Variants in ADGRL4 observed in about 807,000 individuals in gnomAD.
ADGRL4 encodes EGF, latrophilin and seven transmembrane domain containing 1.
Under a neutral mutation model 74.8 loss-of-function variants are expected in ADGRL4, and 90 were observed. The ratio of observed to expected loss-of-function variants is 1.20; its 90% CI spans 1.02 to 1.43. ADGRL4 has a LOEUF of 1.43. Ranked by LOEUF, ADGRL4 falls within the 40% of genes most tolerant of loss-of-function variation. The pLI, the probability that ADGRL4 is intolerant of heterozygous loss-of-function variation, is 0.00. For synonymous variants in ADGRL4, 311 were observed against 279.2 expected, an observed-to-expected ratio of 1.11 and a Z score of -1.14; for missense variants, 881 against 814.3, an observed-to-expected ratio of 1.08 and a Z score of -1.00.
In ADGRL4 at chr1:79,006,640, C is replaced by A. The variant is rs779693719; in HGVS notation, c.15G>T (p.Pro5=). ...GGGGCGCTGAGCACTCACCTAGGAG[C>A]GGGAGGCGTTTCATTGGCGGTGGCC... MKRL[P]LLVVFSTLLN... Residue 5 remains proline (P), a synonymous_variant, in exon 1 of 15, where the codon CCG becomes CCT. Transcript: ENST00000370742. 12 of 1,519,542 alleles carry A rather than the reference C, an allele frequency of 7.9e-6. No individual in the cohort carries two copies. In the East Asian group the frequency reaches 2.7e-4, roughly 34 times the overall value. The allele number at this position is 1,519,542 out of a possible 1,614,324, so 94.1% of individuals were successfully genotyped here.
intron 2 of ADGRL4, among the ~76,000 whole-genome samples, chr1:78,954,794 GAAAC>G (rs906112904): frequency 3.3e-5 from 5 of 152,060 alleles, no homozygotes; most frequent in African/African-American, 9.7e-5. Flanking sequence ...AAGCTATAGA[GAAAC>G]AAATTACATG....
intron 2 of ADGRL4, among the ~76,000 whole-genome samples, chr1:78,984,160 A>G (rs1650449538): frequency 6.6e-6 from 1 of 151,730 alleles, no homozygotes; most frequent in Non-Finnish European, 1.5e-5. Context: ...TTCTGGTACA[A>G]AGTAAGATGG....
intron 12 of ADGRL4, among the ~76,000 whole-genome samples, chr1:78,917,413 T>G (rs1347442617): frequency 6.6e-6 from 1 of 150,676 alleles, no homozygotes; most frequent in Non-Finnish European, 1.5e-5. Flanking sequence ...TATTATATTT[T>G]ATATTTAAAA....
In ADGRL4 at chr1:78,946,336, G is replaced by A; in HGVS notation, c.263C>T (p.Pro88Leu). The A allele has an allele frequency of 6.2e-7, 1 of 1,613,332 alleles. No homozygotes were observed. Among genetic ancestry groups the A allele is most frequent in the Non-Finnish European group, 8.5e-7 (1 of 1,179,580 alleles). ...TTGGTTACTGCTGGATCTGAAGCCA[G>A]GTACACACATACAATAATAACTTCC... is the stretch of plus-strand genomic sequence containing the variant. ...TEGSYYCMCV[P>L]GFRSSSNQDR... Residue 88 changes from proline (P) to leucine (L), a missense_variant, in exon 3 of 15, where the codon CCT becomes CTT. Coordinates refer to ENST00000370742, the MANE Select transcript of ADGRL4 (RefSeq NM_022159.4).
At chr1:78,968,144 A>C (rs1039400959) in intron 2 of ADGRL4, among the ~76,000 whole-genome samples, 4 of 152,280 alleles carry the variant, frequency 2.6e-5, no homozygotes, top group Admixed American at 2.0e-4. Flanking sequence ...CTAATGTCTG[A>C]TTACATGCAT....
At chr1:78,901,706 G>A (rs989397059) in intron 12 of ADGRL4, among the ~76,000 whole-genome samples, 1 of 152,120 alleles carries the variant, frequency 6.6e-6, no homozygotes, top group Non-Finnish European at 1.5e-5. Context: ...ACAGTGTTTG[G>A]TCACCTATTG....
chr1:78,962,876 G>A (rs1649982969), intron 2 of ADGRL4, among the ~76,000 whole-genome samples: 1 of 152,030 alleles, frequency 6.6e-6, no homozygotes, highest in African/African-American at 2.4e-5. Flanking sequence ...AACGGATTAG[G>A]ATAAAATAGG....
chr1:78,972,563 G>T (rs1293342299), intron 2 of ADGRL4, among the ~76,000 whole-genome samples: 1 of 152,056 alleles, frequency 6.6e-6, no homozygotes, highest in Non-Finnish European at 1.5e-5. Context: ...CTAGAACACT[G>T]ATATGCATTT....
chr1:78,999,788 A>ATATC (rs67005634), intron 2 of ADGRL4, among the ~76,000 whole-genome samples: 16,065 of 141,628 alleles, frequency 0.11, 937 homozygotes, highest in African/African-American at 0.13. Context: ...ATCTATAGTT[A>ATATC]TATCTATCTA....
rs747808837 is a variant in ADGRL4, at chr1:78,920,771, T to C, written c.1258-385A>G. On this transcript the variant is annotated intron_variant, in intron 9 of 14. Transcript: ENST00000370742. Reference sequence around the variant, plus strand: ...GTGGTAAGACTAAGTCTTATGTCTATGCAGTGATTCATCTAAAACATGTGA... The same window carrying C: ...GTGGTAAGACTAAGTCTTATGTCTACGCAGTGATTCATCTAAAACATGTGA... Among the ~76,000 whole-genome samples the C allele has an allele frequency of 8.4e-4, 128 of 152,026 alleles. 1 individual carries two copies. The highest frequency in any genetic ancestry group is 2.8e-3 in the African/African-American group (118 of 41,546).
intron 2 of ADGRL4, among the ~76,000 whole-genome samples, chr1:78,983,827 T>A (rs968689346): frequency 6.6e-6 from 1 of 151,824 alleles, no homozygotes; most frequent in Non-Finnish European, 1.5e-5. Context: ...GTAGATTGCC[T>A]ACGAAGAAAA....
intron 9 of ADGRL4, among the ~76,000 whole-genome samples, 196 bp downstream of exon 9, chr1:78,921,417 T>G (rs1351434048): frequency 6.8e-6 from 1 of 147,234 alleles, no homozygotes; most frequent in African/African-American, 2.5e-5. Flanking sequence ...TAATCTTAAA[T>G]GCATACTAGA....
intron 12 of ADGRL4, among the ~76,000 whole-genome samples, chr1:78,916,932 A>AT (rs1648884383): frequency 6.6e-6 from 1 of 151,838 alleles, no homozygotes; most frequent in South Asian, 2.1e-4. Flanking sequence ...ACATACAAAA[A>AT]TGTCTTTATT....
intron 9 of ADGRL4, among the ~76,000 whole-genome samples, chr1:78,921,185 A>G (rs969955712): frequency 1.3e-5 from 2 of 151,642 alleles, no homozygotes; most frequent in Non-Finnish European, 2.9e-5. Flanking sequence ...CTACATTGCT[A>G]AAAACATGAT....
At chr1:78,967,813 C>T (rs767945296) in intron 2 of ADGRL4, among the ~76,000 whole-genome samples, 6 of 150,222 alleles carry the variant, frequency 4.0e-5, no homozygotes, top group Admixed American at 6.6e-5. Flanking sequence ...TTAAAATTTT[C>T]GAGTCATCAT....
chr1:78,917,145 C>T (rs1290780939), intron 12 of ADGRL4, among the ~76,000 whole-genome samples: 3 of 151,704 alleles, frequency 2.0e-5, no homozygotes, highest in Non-Finnish European at 4.4e-5. Context: ...GATGATAAAA[C>T]TATAAAGATG....
In ADGRL4 at chr1:78,921,689, G is replaced by A. The variant is rs987022687; in HGVS notation, c.1181C>T (p.Ser394Leu). ...WSSEGCELTY[S>L]NETHTSCRCN... ...GCGGCATGAGGTGTGGGTCTCATTT[G>A]AGTATGTCAGCTCACAGCCCTCTGA... Residue 394 changes from serine (S) to leucine (L), a missense_variant, in exon 9 of 15, where the codon TCA (serine) becomes TTA (leucine). Ser to Leu is a moderately radical substitution (Grantham distance 145). Coordinates refer to ENST00000370742, the MANE Select transcript of ADGRL4 (RefSeq NM_022159.4). The A allele has an allele frequency of 1.2e-6, 2 of 1,603,632 alleles. No individual in the cohort carries two copies. Among genetic ancestry groups the A allele is most frequent in the African/African-American group, 2.7e-5 (2 of 74,002 alleles).
intron 2 of ADGRL4, among the ~76,000 whole-genome samples, chr1:78,973,547 C>T (rs891740851): frequency 2.3e-4 from 35 of 150,094 alleles, no homozygotes; most frequent in Admixed American, 8.0e-4. Context: ...AAGTGATATA[C>T]GATGTATCAT....
intron 3 of ADGRL4, among the ~76,000 whole-genome samples, chr1:78,941,843 TA>T (rs1649489177): frequency 6.6e-6 from 1 of 152,148 alleles, no homozygotes; most frequent in Non-Finnish European, 1.5e-5. Flanking sequence ...TTAGAAGATC[TA>T]AATTCAAATC....
Sources: allele counts gnomAD v4.1 joint callset (sites outside exome capture counted in the v4.1 genomes callset), GRCh38; gene constraint gnomAD v4.1.1; transcripts MANE v1.5; gene names NCBI Gene and HGNC (gene_info 2026-07-23, HGNC 2026-07-21).